PDE11A: variants seen among roughly 807,000 people sequenced by gnomAD.
PDE11A encodes phosphodiesterase 11A.
Under a neutral mutation model 100.5 loss-of-function variants are expected in PDE11A, and 100 were observed. The ratio of observed to expected loss-of-function variants is 1.00; its 90% CI spans 0.85 to 1.18. The LOEUF is 1.18. PDE11A is among the 50% of genes most tolerant of loss of function. The pLI, the probability that PDE11A is intolerant of heterozygous loss-of-function variation, is 0.00. For missense variants in PDE11A, 1,141 were observed against 1,152.6 expected (o/e 0.99, Z 0.15); for synonymous variants, 381 against 420.8 (o/e 0.91, Z 1.16).
rs1417202489 is a variant in PDE11A, at chr2:177,727,649, C to T, written c.2043+9G>A. The T allele has an allele frequency of 2.7e-6, 4 of 1,478,830 alleles. No individual in the cohort carries two copies. The highest frequency in any genetic ancestry group is 3.8e-6 in the Non-Finnish European group (4 of 1,056,686). The allele number at this position is 1,478,830 out of a possible 1,614,324, so 91.6% of individuals were successfully genotyped here. On this transcript the variant is annotated intron_variant, in intron 12 of 19. Transcript: ENST00000286063. Reference sequence around the variant, plus strand: ...GAAATGATCTTCCACCATCACTAAGCACACTTACGGTTAACATCGCGAACA... The same window carrying T: ...GAAATGATCTTCCACCATCACTAAGTACACTTACGGTTAACATCGCGAACA...
intron 2 of PDE11A, among the ~76,000 whole-genome samples, chr2:177,916,845 C>T (rs535026473): frequency 4.0e-5 from 6 of 151,774 alleles, no homozygotes; most frequent in Admixed American, 6.5e-5. Flanking sequence ...CTGCAAGCTC[C>T]GCCTCCCGGG....
At chr2:177,798,217 G>C (rs1406785254) in intron 9 of PDE11A, among the ~76,000 whole-genome samples, 1 of 152,180 alleles carries the variant, frequency 6.6e-6, no homozygotes, top group Non-Finnish European at 1.5e-5. Flanking sequence ...ATGCAAAGCA[G>C]TTATGTCTGA....
rs1356323763 is a variant in PDE11A at position 177,629,520 on chromosome 2, A to C, written c.2689T>G (p.Ser897Ala). The C allele has an allele frequency of 6.2e-7, 1 of 1,614,086 alleles. No individual in the cohort carries two copies. The highest frequency in any genetic ancestry group is 2.2e-5 in the East Asian group (1 of 44,882). The change falls in exon 20 of 20, where the codon TCA becomes GCA. Residue 897 changes from serine to alanine, a missense_variant. Transcript: ENST00000286063. ...CACTTACTTCTGTTTGTAGCTACTG[A>C]ATCTAGCATCGGCTTCAGTTTCACG... ...VNVKLKPMLD[S>A]VATNRSKWEE... is the part of the protein sequence containing the mutation.
rs2079818194 is a variant in PDE11A at position 177,625,457 on chromosome 2, T to G, written c.*3950A>C. The stretch of plus-strand genomic sequence containing the variant: ...GCACTGAATGGCACCCTTTGCAGTA[T>G]GTGAAGCTGTCCCTACCCACCAGGA... On this transcript the variant is annotated 3_prime_UTR_variant, in exon 20 of 20. Coordinates refer to ENST00000286063, the MANE Select transcript of PDE11A (RefSeq NM_016953.4). 1 of 152,586 alleles carries G rather than the reference T, an allele frequency of 6.6e-6. No homozygotes were observed. Among genetic ancestry groups the G allele is most frequent in the African/African-American group, 2.4e-5 (1 of 41,446 alleles). 9.5% of individuals were successfully genotyped at this position (152,586 alleles called of 1,614,324 possible).
chr2:177,929,035 C>G (rs2085170363), intron 2 of PDE11A, among the ~76,000 whole-genome samples: 1 of 152,072 alleles, frequency 6.6e-6, no homozygotes, highest in African/African-American at 2.4e-5. Flanking sequence ...CTTTTTTCTT[C>G]AAAAGACTTG....
At chr2:177,927,430 C>T (rs1029387414) in intron 2 of PDE11A, among the ~76,000 whole-genome samples, 1 of 152,184 alleles carries the variant, frequency 6.6e-6, no homozygotes, top group Non-Finnish European at 1.5e-5. Context: ...GAAAGACATT[C>T]ATTTCTTAAC....
intron 1 of PDE11A, among the ~76,000 whole-genome samples, chr2:178,039,839 G>T (rs2086662137): frequency 6.6e-6 from 1 of 151,818 alleles, no homozygotes. Context: ...AGCAGAAAAA[G>T]AAACAAAAGA....
chr2:178,085,833 T>C (rs539411481), intron 2 of PDE11A, among the ~76,000 whole-genome samples: 1 of 152,272 alleles, frequency 6.6e-6, no homozygotes, highest in African/African-American at 2.4e-5. Context: ...GGCAAAGAAA[T>C]GGCTCAGTAA....
At chr2:177,958,961 A>T (rs1303616061) in intron 2 of PDE11A, among the ~76,000 whole-genome samples, 2 of 152,248 alleles carry the variant, frequency 1.3e-5, no homozygotes, top group African/African-American at 4.8e-5. Context: ...AGAAATTCCC[A>T]TGAAGATAAG....
chr2:178,022,550 T>A (rs909395052), intron 1 of PDE11A, among the ~76,000 whole-genome samples: 7 of 152,094 alleles, frequency 4.6e-5, no homozygotes, highest in Non-Finnish European at 1.0e-4. Context: ...AGGATGGGAA[T>A]TTTGCCTAAC....
At chr2:178,040,061 C>CTTTTTTT (rs5836641) in intron 1 of PDE11A, among the ~76,000 whole-genome samples, 1 of 109,718 alleles carries the variant, frequency 9.1e-6, no homozygotes, top group Non-Finnish European at 1.8e-5. Context: ...AATGTAGTGG[C>CTTTTTTT]TTTTTTTTTT....
intron 9 of PDE11A, among the ~76,000 whole-genome samples, chr2:177,783,868 A>G (rs1055253471): frequency 6.6e-6 from 1 of 152,192 alleles, no homozygotes; most frequent in Non-Finnish European, 1.5e-5. Context: ...CATTTAAAAA[A>G]TTATTTGTTA....
chr2:178,081,520 T>C (rs1384762522), intron 2 of PDE11A, among the ~76,000 whole-genome samples: 1 of 152,248 alleles, frequency 6.6e-6, no homozygotes, highest in Non-Finnish European at 1.5e-5. Flanking sequence ...TGTCATTTGT[T>C]AACAATGACC....
At chr2:178,036,554 TG>T (rs368683487) in intron 1 of PDE11A, among the ~76,000 whole-genome samples, 106 of 152,182 alleles carry the variant, frequency 7.0e-4, no homozygotes, top group African/African-American at 2.3e-3. Flanking sequence ...AAAAAGAACC[TG>T]TATAGCCAAG....
intron 9 of PDE11A, among the ~76,000 whole-genome samples, chr2:177,806,977 G>A (rs986394013): frequency 3.9e-5 from 6 of 151,972 alleles, no homozygotes; most frequent in African/African-American, 7.2e-5. Flanking sequence ...GAAAGAGAGA[G>A]AGAATAGGAA....
At chr2:178,102,614 A>C (rs1042717234) in intron 2 of PDE11A, among the ~76,000 whole-genome samples, 1 of 151,390 alleles carries the variant, frequency 6.6e-6, no homozygotes. Flanking sequence ...GTCTTACTAC[A>C]TTGCCCAGGC....
chr2:177,854,520 A>G (rs550971378), intron 5 of PDE11A, among the ~76,000 whole-genome samples: 18 of 152,214 alleles, frequency 1.2e-4, no homozygotes, highest in Non-Finnish European at 2.5e-4. Flanking sequence ...CAAGGAGTAT[A>G]TTTACAAAAT....
chr2:177,853,713 TTTG>T (rs2083770128), intron 5 of PDE11A, among the ~76,000 whole-genome samples: 1 of 12,018 alleles, frequency 8.3e-5, no homozygotes, highest in African/African-American at 1.8e-4. Flanking sequence ...TGTGTGTGTG[TTTG>T]TGTGTGTGTG....
At chr2:177,706,884 C>A (rs1241853952) in intron 13 of PDE11A, among the ~76,000 whole-genome samples, 1 of 109,274 alleles carries the variant, frequency 9.2e-6, no homozygotes, top group East Asian at 3.4e-4. Context: ...GATTTGGGGA[C>A]CTCGGTTTTT....
Sources: allele counts gnomAD v4.1 joint callset (sites outside exome capture counted in the v4.1 genomes callset), GRCh38; gene constraint gnomAD v4.1.1; transcripts MANE v1.5; gene names NCBI Gene and HGNC (gene_info 2026-07-23, HGNC 2026-07-21).